Variants in ZNF404 observed in about 807,000 individuals in gnomAD.
ZNF404 encodes zinc finger protein 404.
ZNF404 carries 7 observed loss-of-function variants against 7.3 expected under a neutral mutation model. The observed-to-expected ratio is 0.95, with a 90% CI of 0.54 to 1.79. ZNF404 has a LOEUF of 1.79. Ranked by LOEUF, ZNF404 falls within the 40% of genes most tolerant of loss-of-function variation. The probability of loss-of-function intolerance (pLI) is 0.00; values close to 1 mark genes in which losing one functional copy is unlikely to be tolerated. For synonymous variants in ZNF404, 191 were observed against 209.9 expected (o/e 0.91, Z 0.78); for missense variants, 560 against 661.5 (o/e 0.85, Z 1.68).
intron 2 of ZNF404, among the ~76,000 whole-genome samples, chr19:43,876,623 C>T (rs1485447160): frequency 6.6e-6 from 1 of 152,006 alleles, no homozygotes; most frequent in Non-Finnish European, 1.5e-5. Flanking sequence ...AAAAGTGACA[C>T]CAGCTAGACT....
At chr19:43,879,257 A>G (rs2146620766) in intron 2 of ZNF404, among the ~76,000 whole-genome samples, 1 of 152,324 alleles carries the variant, frequency 6.6e-6, no homozygotes, top group Non-Finnish European at 1.5e-5. Context: ...ATCTGACATG[A>G]AAAACCCCTC....
At chr19:43,879,572 T>C (rs1276158864) in intron 2 of ZNF404, among the ~76,000 whole-genome samples, 1 of 152,200 alleles carries the variant, frequency 6.6e-6, no homozygotes, top group Non-Finnish European at 1.5e-5. Flanking sequence ...ATAATCTTAA[T>C]TCATTCTACT....
At chr19:43,879,393 G>A (rs1428086285) in intron 2 of ZNF404, among the ~76,000 whole-genome samples, 1 of 152,112 alleles carries the variant, frequency 6.6e-6, no homozygotes, top group Non-Finnish European at 1.5e-5. Flanking sequence ...TGTGGGATAT[G>A]CTCAAAAGGT....
Position 43,872,668 on chromosome 19 carries a change from T to C in ZNF404, c.1546A>G (p.Ile516Val), listed in dbSNP as rs953382588. The C allele has an allele frequency of 6.2e-7, 1 of 1,613,242 alleles. No homozygotes were observed. Among genetic ancestry groups the C allele is most frequent in the African/African-American group, 1.3e-5 (1 of 75,028 alleles). ...RSDRLTQHET[I>V]HTGVKPQKCK... is the part of the protein sequence containing the mutation. ...TTCTGTGGTTTCACACCAGTATGAATTGTCTCATGTTGAGTAAGTCGATCA... is the reference window on the plus strand; with the variant it reads ...TTCTGTGGTTTCACACCAGTATGAACTGTCTCATGTTGAGTAAGTCGATCA... Residue 516 changes from isoleucine (I) to valine (V), a missense_variant, in exon 3 of 3, where the codon ATT becomes GTT. Physicochemically the swap from Ile to Val is conservative, Grantham distance 29 (BLOSUM62 3). Transcript: ENST00000587539. The surrounding 1 kb of genome is among the most constrained non-coding windows in gnomAD (Gnocchi z 4.4).
rs1228461382 is a variant in ZNF404, at chr19:43,872,561, TA to T, written c.1652del (p.Leu551Ter). ...CTAAAGGCTTTCCCTCTCATTACAT[TA>T]AGAGTCTCTCACCATGGTGAAATCT... ...HQRFHHGERL[L>X]M On this transcript the variant is annotated frameshift_variant, in exon 3 of 3. Transcript: ENST00000587539. LOFTEE classifies it high-confidence loss of function. The surrounding 1 kb of genome is among the most constrained non-coding windows in gnomAD (Gnocchi z 4.4). 6.3e-6 allele frequency: 10 copies of T among 1,595,968 alleles called. No homozygotes were observed. In the South Asian group the frequency reaches 9.1e-5, roughly 15 times the overall value.
At position 43,872,436 on chromosome 19, in the gene ZNF404, C is replaced by T. The variant is rs1237067655; in HGVS notation, c.*119G>A. 23 of 693,322 alleles carry T rather than the reference C, an allele frequency of 3.3e-5. No individual in the cohort carries two copies. The highest frequency in any genetic ancestry group is 4.0e-5 in the Non-Finnish European group (18 of 452,332). 42.9% of individuals were successfully genotyped at this position (693,322 alleles called of 1,614,324 possible). A position where few individuals can be genotyped will look rare whatever the true frequency, so the allele number is the denominator to read the frequency against. On this transcript the variant is annotated 3_prime_UTR_variant, in exon 3 of 3. Coordinates refer to ENST00000587539, the MANE Select transcript of ZNF404 (RefSeq NM_001033719.3). The surrounding 1 kb of genome is among the most constrained non-coding windows in gnomAD (Gnocchi z 4.4). The stretch of plus-strand genomic sequence containing the variant: ...AAATAATGTATTTAGTAAGCAAATA[C>T]GATGTGCCAGATGCCTTTCCAAGTA...
rs1203671333 is a variant in ZNF404 at position 43,872,543 on chromosome 19, C to T, written c.*12G>A. ...AGTAAAAATGTGCCATGGCTAAAGG[C>T]TTTCCCTCTCATTACATTAAGAGTC... On this transcript the variant is annotated 3_prime_UTR_variant, in exon 3 of 3. Transcript: ENST00000587539. This position sits in a 1 kb window ranked among gnomAD's most constrained non-coding sequence, Gnocchi z 4.4. 1.9e-6 allele frequency: 3 copies of T among 1,568,076 alleles called. No homozygotes were observed. The highest frequency in any genetic ancestry group is 2.6e-6 in the Non-Finnish European group (3 of 1,157,504).
chr19:43,875,491 A>G (rs1026080825), intron 2 of ZNF404, among the ~76,000 whole-genome samples: 1 of 152,200 alleles, frequency 6.6e-6, no homozygotes, highest in African/African-American at 2.4e-5. Context: ...ACGAATTAAT[A>G]TATTGAAAGG....
intron 1 of ZNF404, among the ~76,000 whole-genome samples, chr19:43,882,116 G>A (rs971655538): frequency 2.0e-5 from 3 of 152,104 alleles, no homozygotes; most frequent in Admixed American, 6.5e-5. Flanking sequence ...AAAGCTTAAC[G>A]TAATACTACA....
intron 2 of ZNF404, among the ~76,000 whole-genome samples, chr19:43,876,155 A>G (rs1362351671): frequency 6.6e-6 from 1 of 152,024 alleles, no homozygotes; most frequent in Non-Finnish European, 1.5e-5. Flanking sequence ...GAAATCTAAA[A>G]TTACAAAAAT....
At chr19:43,882,838 T>C (rs570372503) in intron 1 of ZNF404, among the ~76,000 whole-genome samples, 1 of 151,178 alleles carries the variant, frequency 6.6e-6, no homozygotes, top group South Asian at 2.1e-4. Flanking sequence ...TTGTGGCTCA[T>C]GACTGTAATC....
intron 1 of ZNF404, among the ~76,000 whole-genome samples, chr19:43,883,040 G>T (rs1227405073): frequency 6.6e-6 from 1 of 151,848 alleles, no homozygotes; most frequent in African/African-American, 2.4e-5. Flanking sequence ...AGCAGAGGTT[G>T]CAGTGAGCCA....
At position 43,872,760 on chromosome 19, in the gene ZNF404, T is replaced by A; in HGVS notation, c.1454A>T (p.His485Leu). Residue 485 changes from histidine (H) to leucine (L), a missense_variant, in exon 3 of 3, where the codon CAT becomes CTT. By Grantham distance (99) the His-to-Leu change is moderately conservative. Coordinates refer to ENST00000587539, the MANE Select transcript of ZNF404 (RefSeq NM_001033719.3). The surrounding 1 kb of genome is among the most constrained non-coding windows in gnomAD (Gnocchi z 4.4). Reference protein sequence around the residue: ...AFRSISGLSQHKRIHTGEKPY... With the variant: ...AFRSISGLSQLKRIHTGEKPY... ...TTTTTCACCAGTATGAATTCTCTTA[T>A]GTTGAGAAAGACCTGAGATAGAACG... The A allele has an allele frequency of 6.2e-7, 1 of 1,612,722 alleles. No individual in the cohort carries two copies. The highest frequency in any genetic ancestry group is 8.5e-7 in the Non-Finnish European group (1 of 1,179,242).
At chr19:43,876,060 A>G (rs1971848464) in intron 2 of ZNF404, among the ~76,000 whole-genome samples, 1 of 152,240 alleles carries the variant, frequency 6.6e-6, no homozygotes, top group Non-Finnish European at 1.5e-5. Flanking sequence ...TCAATGGCTC[A>G]TGCCTGTAAT....
In ZNF404 at chr19:43,872,688, C is replaced by T. The variant is rs780498582; in HGVS notation, c.1526G>A (p.Arg509Gln). Reference protein sequence around the residue: ...ECDKAFNRSDRLTQHETIHTG... With the variant: ...ECDKAFNRSDQLTQHETIHTG... ...ATGAATTGTCTCATGTTGAGTAAGT[C>T]GATCACTGCGATTAAAGGCCTTATC... Residue 509 changes from arginine (R) to glutamine (Q), a missense_variant, in exon 3 of 3, where the codon CGA becomes CAA. Coordinates refer to ENST00000587539, the MANE Select transcript of ZNF404 (RefSeq NM_001033719.3). This position sits in a 1 kb window ranked among gnomAD's most constrained non-coding sequence, Gnocchi z 4.4. The T allele has an allele frequency of 4.4e-5, 71 of 1,613,118 alleles. No individual in the cohort carries two copies. The Middle Eastern group carries it at 2.1e-3, about 49-fold the overall frequency.
intron 1 of ZNF404, among the ~76,000 whole-genome samples, chr19:43,883,571 T>C (rs1287838190): frequency 6.6e-6 from 1 of 152,182 alleles, no homozygotes; most frequent in Non-Finnish European, 1.5e-5. Flanking sequence ...TTCCCTTATC[T>C]AACTGTGGAG....
Position 43,873,898 on chromosome 19 carries a change from A to T in ZNF404, c.316T>A (p.Cys106Ser). Residue 106 changes from cysteine (C) to serine (S), a missense_variant, in exon 3 of 3, where the codon TGT becomes AGT. By Grantham distance (112) the Cys-to-Ser change is moderately radical. Transcript: ENST00000587539. Reference protein sequence around the residue: ...FGRQQRPKVGCFSQMIFKKHK... With the variant: ...FGRQQRPKVGSFSQMIFKKHK... ...TTTTTGAATATCATTTGACTAAAAC[A>T]TCCCACTTTAGGTCTCTGTTGTCTC... 1 of 1,613,152 alleles carries T rather than the reference A, an allele frequency of 6.2e-7. No homozygotes were observed. Among genetic ancestry groups the T allele is most frequent in the East Asian group, 2.2e-5 (1 of 44,810 alleles).
At position 43,873,154 on chromosome 19, in the gene ZNF404, G is replaced by A. The variant is rs2146616535; in HGVS notation, c.1060C>T (p.Leu354Phe). 2 of 1,613,534 alleles carry A rather than the reference G, an allele frequency of 1.2e-6. No individual in the cohort carries two copies. Among genetic ancestry groups the A allele is most frequent in the South Asian group, 2.2e-5 (2 of 91,066 alleles). ...TTTCCACAATCCTTACAATCATAGAGTTTCTCACTACTATGAATTCTCTTA... is the reference window on the plus strand; with the variant it reads ...TTTCCACAATCCTTACAATCATAGAATTTCTCACTACTATGAATTCTCTTA... ...KHKRIHSSEK[L>F]YDCKDCGKAF... The change falls in exon 3 of 3, where the codon CTC (leucine) becomes TTC (phenylalanine). Residue 354 changes from leucine to phenylalanine, a missense_variant. Physicochemically the swap from Leu to Phe is conservative, Grantham distance 22. Transcript: ENST00000587539.
chr19:43,874,220 G>A (rs1971836346), intron 2 of ZNF404, 143 bp from the exon 3 acceptor site: 2 of 630,942 alleles, frequency 3.2e-6, no homozygotes, highest in South Asian at 2.6e-5. Context: ...GTACTGCCAT[G>A]CAATTTTTAA....
Sources: gnomAD v4.1 joint callset for allele counts (sites outside exome capture counted in the v4.1 genomes callset) on GRCh38, gnomAD v4.1.1 for gene constraint, Gnocchi (gnomAD v3.1) non-coding constraint, MANE v1.5 for transcripts, NCBI Gene and HGNC (gene_info 2026-07-23, HGNC 2026-07-21) for gene names.